Variants in NRF1 observed in about 807,000 individuals in gnomAD.
NRF1 encodes alpha palindromic-binding protein.
In NRF1, 5 loss-of-function variants were observed where a neutral mutation model predicts 58.5. The ratio of observed to expected loss-of-function variants is 0.09; its 90% CI spans 0.04 to 0.18. The LOEUF (loss-of-function observed/expected upper bound fraction) is 0.18, where lower values mean the gene tolerates loss of function less well. Among genes scored for constraint, NRF1 ranks in the 10% least tolerant of loss-of-function variants. The probability of loss-of-function intolerance (pLI) is 1.00; values close to 1 mark genes in which losing one functional copy is unlikely to be tolerated. For synonymous variants in NRF1, 224 were observed against 246.7 expected, an observed-to-expected ratio of 0.91 and a Z score of 0.86; for missense variants, 288 against 657.7, an observed-to-expected ratio of 0.44 and a Z score of 6.15.
chr7:129,742,292 A>C (rs979027528), intron 10 of NRF1, among the ~76,000 whole-genome samples: 9 of 141,978 alleles, frequency 6.3e-5, no homozygotes, highest in East Asian at 2.0e-4. Flanking sequence ...AAAAAAAAAA[A>C]CAAAAAACTT....
chr7:129,677,942 C>T (rs1420850934), intron 4 of NRF1, among the ~76,000 whole-genome samples, 184 bp downstream of exon 4: 3 of 145,636 alleles, frequency 2.1e-5, no homozygotes, highest in Non-Finnish European at 4.5e-5. Flanking sequence ...ACTCTTTTTA[C>T]TTCCTACGTC....
chr7:129,648,366 G>A (rs1801458947), intron 1 of NRF1, among the ~76,000 whole-genome samples: 1 of 139,304 alleles, frequency 7.2e-6, no homozygotes. Context: ...TGCAAGCTCC[G>A]CCTCCCGGGT....
chr7:129,721,826 T>C (rs1803334007), intron 9 of NRF1, among the ~76,000 whole-genome samples: 1 of 152,154 alleles, frequency 6.6e-6, no homozygotes. Context: ...AAATTAGACA[T>C]ATTATTAAAA....
rs1027348379 is a variant in NRF1 at position 129,628,101 on chromosome 7, T to A, written c.-7+16277T>A. 1.2e-4 allele frequency among the ~76,000 whole-genome samples: 17 copies of A among 137,704 alleles called. No homozygotes were observed. The East Asian group carries it at 3.7e-3, about 30-fold the overall frequency. 90.3% of individuals were successfully genotyped at this position (137,704 alleles called of 152,430 possible). A position where few individuals can be genotyped will look rare whatever the true frequency, so the allele number is the denominator to read the frequency against. On this transcript the variant is annotated intron_variant, in intron 1 of 10. Coordinates refer to ENST00000393232, the MANE Select transcript of NRF1 (RefSeq NM_005011.5). ...CTCTGTCGCCCAGGCAGGAGTGCAG[T>A]GGCATGATCTTGGCTCACTGCAAGC...
intron 5 of NRF1, among the ~76,000 whole-genome samples, chr7:129,701,456 C>T (rs60467554): frequency 0.022 from 3,342 of 151,706 alleles, 118 homozygotes; most frequent in African/African-American, 0.074. Context: ...AACAATTAGC[C>T]GGCCATGGTA....
chr7:129,754,629 G>A (rs923198568), intron 10 of NRF1, among the ~76,000 whole-genome samples: 3 of 152,014 alleles, frequency 2.0e-5, no homozygotes, highest in African/African-American at 7.3e-5. Flanking sequence ...TTACACAGTA[G>A]GGTGACTGTA....
intron 1 of NRF1, among the ~76,000 whole-genome samples, chr7:129,624,641 G>C (rs921024511): frequency 1.3e-5 from 2 of 151,994 alleles, no homozygotes; most frequent in Non-Finnish European, 2.9e-5. Flanking sequence ...TTGGATGGTT[G>C]GAAAGTTTTC....
chr7:129,688,152 G>T (rs888584904), intron 4 of NRF1, among the ~76,000 whole-genome samples: 1 of 152,112 alleles, frequency 6.6e-6, no homozygotes, highest in Admixed American at 6.6e-5. Context: ...TTATTTTTGA[G>T]ACAAGGTCTG....
intron 9 of NRF1, among the ~76,000 whole-genome samples, chr7:129,719,333 T>C (rs1388990528): frequency 6.6e-6 from 1 of 152,126 alleles, no homozygotes; most frequent in African/African-American, 2.4e-5. Context: ...GGTTTCTCCA[T>C]GTTGGTCAGG....
intron 4 of NRF1, among the ~76,000 whole-genome samples, chr7:129,687,496 G>A (rs1356597337): frequency 3.3e-5 from 5 of 151,992 alleles, no homozygotes; most frequent in African/African-American, 4.8e-5. Context: ...GGCTGGTCTC[G>A]AACTTCTGAC....
intron 8 of NRF1, among the ~76,000 whole-genome samples, chr7:129,714,657 G>C (rs561169275): frequency 1.4e-4 from 22 of 152,296 alleles, no homozygotes; most frequent in African/African-American, 5.1e-4. Flanking sequence ...CCTCAGGAGT[G>C]ATGGGCCCTG....
intron 10 of NRF1, among the ~76,000 whole-genome samples, chr7:129,749,028 A>G (rs893797920): frequency 3.3e-5 from 5 of 152,240 alleles, no homozygotes; most frequent in African/African-American, 1.2e-4. Flanking sequence ...TGGTGCCACC[A>G]TCAGAGACAG....
chr7:129,710,201 C>T (rs573891483), intron 6 of NRF1, among the ~76,000 whole-genome samples, 173 bp from the exon 7 acceptor site: 6 of 152,236 alleles, frequency 3.9e-5, no homozygotes, highest in African/African-American at 1.2e-4. Flanking sequence ...TTTGATACTT[C>T]GTACACAGCT....
intron 1 of NRF1, among the ~76,000 whole-genome samples, chr7:129,641,546 T>C (rs1001509733): frequency 1.6e-4 from 24 of 152,236 alleles, no homozygotes; most frequent in African/African-American, 4.8e-4. Flanking sequence ...ATTGCTGTTT[T>C]TATTGCATTC....
intron 2 of NRF1, among the ~76,000 whole-genome samples, chr7:129,659,447 G>T (rs1562962374): frequency 6.6e-6 from 1 of 152,112 alleles, no homozygotes; most frequent in Non-Finnish European, 1.5e-5. Context: ...TCCTGAGATG[G>T]TTTTACTTCT....
intron 5 of NRF1, among the ~76,000 whole-genome samples, chr7:129,691,724 T>C (rs1802573785): frequency 6.6e-6 from 1 of 152,192 alleles, no homozygotes; most frequent in Non-Finnish European, 1.5e-5. Context: ...CCTTATCTTA[T>C]TCAGTCTTCA....
intron 10 of NRF1, among the ~76,000 whole-genome samples, chr7:129,729,021 C>T (rs1803517486): frequency 6.6e-6 from 1 of 152,180 alleles, no homozygotes; most frequent in South Asian, 2.1e-4. Context: ...CTAAGGCACC[C>T]TGAGCAAAGG....
chr7:129,620,280 A>C (rs894730483), intron 1 of NRF1, among the ~76,000 whole-genome samples: 1 of 152,098 alleles, frequency 6.6e-6, no homozygotes, highest in Non-Finnish European at 1.5e-5. Flanking sequence ...GAATTTTGTC[A>C]AGTCTCTGGA....
At chr7:129,725,191 ATGATGG>A (rs1803422789) in intron 9 of NRF1, among the ~76,000 whole-genome samples, 1 of 152,208 alleles carries the variant, frequency 6.6e-6, no homozygotes, top group Non-Finnish European at 1.5e-5. Context: ...GTGGAGATGA[ATGATGG>A]TGATGGCTGC....
Sources: allele counts gnomAD v4.1 joint callset (sites outside exome capture counted in the v4.1 genomes callset), GRCh38; gene constraint gnomAD v4.1.1; transcripts MANE v1.5; gene names NCBI Gene and HGNC (gene_info 2026-07-23, HGNC 2026-07-21).